PHF14: variants seen among roughly 807,000 people sequenced by gnomAD.
PHF14 encodes the protein PHD finger protein 14.
PHF14 carries 55 observed loss-of-function variants against 117.9 expected under a neutral mutation model. That is an observed-to-expected ratio of 0.47 (90% CI 0.38 to 0.58). PHF14 has a LOEUF of 0.58. PHF14 is among the 20% of genes least tolerant of loss of function. The pLI is 0.00. For missense variants in PHF14, 978 were observed against 1,122.2 expected, an observed-to-expected ratio of 0.87 and a Z score of 1.84; for synonymous variants, 409 against 368.6, an observed-to-expected ratio of 1.11 and a Z score of -1.26.
At chr7:11,069,886 T>C (rs1467336794) in intron 16 of PHF14, among the ~76,000 whole-genome samples, 1 of 151,060 alleles carries the variant, frequency 6.6e-6, no homozygotes, top group Non-Finnish European at 1.5e-5. Flanking sequence ...AGTATCACAT[T>C]TTATTAGATA....
At chr7:11,080,488 C>G (rs984690120) in intron 16 of PHF14, among the ~76,000 whole-genome samples, 42 of 152,046 alleles carry the variant, frequency 2.8e-4, no homozygotes, top group African/African-American at 8.9e-4. Context: ...TTTCACTCAA[C>G]TAAATAACTT....
intron 11 of PHF14, 50 bp downstream of exon 11, chr7:11,038,905 AT>A: frequency 1.2e-6 from 1 of 819,796 alleles, no homozygotes; most frequent in Non-Finnish European, 1.9e-6. Flanking sequence ...TCCCTATATG[AT>A]TTTCAAAGAA....
chr7:11,103,089 C>T (rs1787144509), intron 16 of PHF14: 13 of 969,100 alleles, frequency 1.3e-5, no homozygotes, highest in Non-Finnish European at 1.6e-5. Context: ...ACTATAGACT[C>T]ATATTAAATG....
chr7:11,085,653 C>CT (rs933679113), intron 16 of PHF14, among the ~76,000 whole-genome samples: 13 of 151,390 alleles, frequency 8.6e-5, no homozygotes, highest in African/African-American at 2.9e-4. Flanking sequence ...TGTTTTTTTC[C>CT]TTTTTTTTGA....
chr7:11,132,567 A>G (rs1294491290), intron 17 of PHF14, among the ~76,000 whole-genome samples: 1 of 151,854 alleles, frequency 6.6e-6, no homozygotes, highest in East Asian at 1.9e-4. Flanking sequence ...GAGTGCAAGT[A>G]TCTTTATGAG....
intron 16 of PHF14, chr7:11,063,469 A>T: frequency 1.0e-6 from 1 of 981,726 alleles, no homozygotes; most frequent in Non-Finnish European, 1.2e-6. Context: ...TAATTCAGGA[A>T]AATTCCCTTG....
chr7:11,163,122 T>G (rs1789097923), intron 17 of PHF14, among the ~76,000 whole-genome samples: 1 of 152,176 alleles, frequency 6.6e-6, no homozygotes, highest in Non-Finnish European at 1.5e-5. Context: ...TATCTTTTGT[T>G]TGCATCACTA....
At chr7:11,102,671 G>A in intron 16 of PHF14, 1 of 1,482,310 alleles carries the variant, frequency 6.7e-7, no homozygotes, top group Non-Finnish European at 8.9e-7. Context: ...TGCTTGTCAG[G>A]TTTGGATAGA....
intron 16 of PHF14, among the ~76,000 whole-genome samples, chr7:11,074,262 G>A (rs1237142779): frequency 6.6e-6 from 1 of 150,608 alleles, no homozygotes; most frequent in African/African-American, 2.4e-5. Flanking sequence ...CCAGGCTGGA[G>A]TGCAGTGGCA....
chr7:11,070,745 C>T (rs1364431700), intron 16 of PHF14, among the ~76,000 whole-genome samples: 1 of 152,192 alleles, frequency 6.6e-6, no homozygotes, highest in Non-Finnish European at 1.5e-5. Context: ...GTGAGTATAG[C>T]ATCTGGACCT....
intron 9 of PHF14, 95 bp from the exon 10 acceptor site, chr7:11,036,886 CTATG>C: frequency 2.1e-6 from 2 of 975,016 alleles, no homozygotes; most frequent in South Asian, 3.2e-5. Flanking sequence ...AAGTTTTAAA[CTATG>C]TAGGTTTATC....
At chr7:11,002,964 T>C (rs1042626372) in intron 4 of PHF14, among the ~76,000 whole-genome samples, 1 of 152,048 alleles carries the variant, frequency 6.6e-6, no homozygotes, top group Non-Finnish European at 1.5e-5. Context: ...TCTTTTTTTT[T>C]TGAGACGGAG....
intron 7 of PHF14, among the ~76,000 whole-genome samples, chr7:11,031,655 G>C (rs1016161253): frequency 6.6e-6 from 1 of 151,552 alleles, no homozygotes; most frequent in African/African-American, 2.4e-5. Context: ...TAGAGAGGCC[G>C]AGGTGAGAGG....
intron 17 of PHF14, among the ~76,000 whole-genome samples, chr7:11,153,712 A>C (rs1788765453): frequency 6.6e-6 from 1 of 152,204 alleles, no homozygotes; most frequent in Non-Finnish European, 1.5e-5. Flanking sequence ...AGGATTCTTT[A>C]ACAGAAAACC....
chr7:11,145,170 G>C lies in PHF14; in HGVS notation c.2773-24246G>C, dbSNP rs561798769. ...ACCCTCGGGAGGGGTTCAGGTGGCA[G>C]AGGAACTCACCTGGTTTGAAAGGTC... On this transcript the variant is annotated intron_variant, in intron 17 of 17. Transcript: ENST00000634607. 2.2e-3 allele frequency among the ~76,000 whole-genome samples: 335 copies of C among 152,058 alleles called. 1 individual carries two copies. Among genetic ancestry groups the C allele is most frequent in the African/African-American group, 7.7e-3 (318 of 41,502 alleles).
intron 17 of PHF14, among the ~76,000 whole-genome samples, chr7:11,140,977 T>C (rs1788382661): frequency 6.6e-6 from 1 of 152,108 alleles, no homozygotes; most frequent in Non-Finnish European, 1.5e-5. Flanking sequence ...CATGTCTGTT[T>C]CCATAAAATT....
chr7:10,995,690 T>C (rs1782618831), intron 4 of PHF14, among the ~76,000 whole-genome samples: 1 of 152,166 alleles, frequency 6.6e-6, no homozygotes, highest in East Asian at 1.9e-4. Flanking sequence ...TTCCGAGCCC[T>C]GCCCCGCAGG....
chr7:11,068,743 G>T (rs891620035), intron 16 of PHF14, among the ~76,000 whole-genome samples: 2 of 152,166 alleles, frequency 1.3e-5, no homozygotes, highest in African/African-American at 4.8e-5. Flanking sequence ...AGTCTACAGG[G>T]ATTATAATAG....
intron 12 of PHF14, among the ~76,000 whole-genome samples, chr7:11,042,390 A>G (rs1273612648): frequency 6.6e-6 from 1 of 151,966 alleles, no homozygotes; most frequent in African/African-American, 2.4e-5. Flanking sequence ...ATTAAAATGA[A>G]TATGATGTTG....
Sources: allele counts gnomAD v4.1 joint callset (sites outside exome capture counted in the v4.1 genomes callset), GRCh38; gene constraint gnomAD v4.1.1; transcripts MANE v1.5; gene names NCBI Gene and HGNC (gene_info 2026-07-23, HGNC 2026-07-21).